The following RDH11 variants were observed in gnomAD, a reference collection of about 807,000 sequenced individuals.
The protein encoded by RDH11 is retinol dehydrogenase 11, also known as HCV core-binding protein HCBP12.
Under a neutral mutation model 33.4 loss-of-function variants are expected in RDH11, and 19 were observed. The ratio of observed to expected loss-of-function variants is 0.57; its 90% CI spans 0.40 to 0.83. The LOEUF (loss-of-function observed/expected upper bound fraction) is 0.83, where lower values mean the gene tolerates loss of function less well. Among genes scored for constraint, RDH11 ranks in the 40% least tolerant of loss-of-function variants. The pLI is 0.00. For synonymous variants in RDH11, 154 were observed against 155.3 expected (o/e 0.99, Z 0.06); for missense variants, 353 against 389.0 (o/e 0.91, Z 0.78).
chr14:67,679,736 G>A (rs964470031), intron 6 of RDH11, among the ~76,000 whole-genome samples: 6 of 152,064 alleles, frequency 3.9e-5, no homozygotes, highest in South Asian at 2.1e-4. Context: ...TTATAATTCC[G>A]ATGCAGAAAA....
At chr14:67,689,426 G>A (rs1399614117) in intron 5 of RDH11, among the ~76,000 whole-genome samples, 2 of 152,088 alleles carry the variant, frequency 1.3e-5, no homozygotes, top group African/African-American at 4.8e-5. Flanking sequence ...CCCTTCTCAA[G>A]CATATATTTC....
intron 3 of RDH11, 163 bp downstream of exon 3, chr14:67,692,275 C>A: frequency 1.4e-6 from 1 of 706,966 alleles, no homozygotes; most frequent in East Asian, 2.7e-5. Flanking sequence ...GAAGATATCC[C>A]TTTGACATAA....
chr14:67,684,766 C>G (rs1474558150), intron 6 of RDH11: 4 of 310,664 alleles, frequency 1.3e-5, no homozygotes, highest in Non-Finnish European at 2.3e-5. Flanking sequence ...GAAAACTGGA[C>G]TGACATAACA....
chr14:67,683,107 CAA>C (rs2037634376), intron 6 of RDH11, among the ~76,000 whole-genome samples: 1 of 152,146 alleles, frequency 6.6e-6, no homozygotes. Flanking sequence ...AGGCTTCAAT[CAA>C]AAGACTTTTA....
At chr14:67,679,149 G>A (rs908947386) in intron 6 of RDH11, among the ~76,000 whole-genome samples, 1 of 152,144 alleles carries the variant, frequency 6.6e-6, no homozygotes. Flanking sequence ...GCATGACATG[G>A]GCAAGAGAGG....
At chr14:67,694,489 C>CACATATATATAT (rs1555387472) in intron 1 of RDH11, among the ~76,000 whole-genome samples, 3 of 144,186 alleles carry the variant, frequency 2.1e-5, no homozygotes, top group African/African-American at 7.8e-5. Context: ...CACACACACA[C>CACATATATATAT]ATATATATAT....
intron 5 of RDH11, among the ~76,000 whole-genome samples, chr14:67,689,463 G>A (rs1290480969): frequency 1.3e-5 from 2 of 152,122 alleles, no homozygotes; most frequent in African/African-American, 4.8e-5. Flanking sequence ...TTGCAAGGGA[G>A]ACCCTGCCCC....
At chr14:67,685,350 T>C (rs1018272524) in intron 5 of RDH11, 146 bp from the exon 6 acceptor site, 1 of 622,384 alleles carries the variant, frequency 1.6e-6, no homozygotes, top group Non-Finnish European at 2.8e-6. Flanking sequence ...CTCACAGTAA[T>C]TTATACTTCC....
Position 67,678,174 on chromosome 14 carries a change from G to T in RDH11, c.*147C>A. 1 of 599,620 alleles carries T rather than the reference G, an allele frequency of 1.7e-6. No homozygotes were observed. 37.1% of individuals were successfully genotyped at this position (599,620 alleles called of 1,614,324 possible). A position where few individuals can be genotyped will look rare whatever the true frequency, so the allele number is the denominator to read the frequency against. On this transcript the variant is annotated 3_prime_UTR_variant, in exon 7 of 7. Coordinates refer to ENST00000381346, the MANE Select transcript of RDH11 (RefSeq NM_016026.4). ...TTAGACGAATCTGGCAGTACACTGA[G>T]TTTTAACTGGACACCAAGCAGGCAA... is the stretch of plus-strand genomic sequence containing the variant.
chr14:67,692,761 C>A, intron 2 of RDH11, 168 bp from the exon 3 acceptor site: 1 of 865,798 alleles, frequency 1.2e-6, no homozygotes, highest in Non-Finnish European at 1.8e-6. Flanking sequence ...TAATAATATT[C>A]ATTAAGGGTC....
At chr14:67,680,741 G>T (rs1403876646) in intron 6 of RDH11, among the ~76,000 whole-genome samples, 1 of 152,206 alleles carries the variant, frequency 6.6e-6, no homozygotes, top group Non-Finnish European at 1.5e-5. Context: ...TTACAGGCGT[G>T]AGCCGCCGCG....
At chr14:67,688,279 C>G (rs2037705922) in intron 5 of RDH11, among the ~76,000 whole-genome samples, 1 of 151,996 alleles carries the variant, frequency 6.6e-6, no homozygotes, top group Admixed American at 6.6e-5. Flanking sequence ...ACAGCCACAA[C>G]AAAAAGGAAA....
intron 6 of RDH11, among the ~76,000 whole-genome samples, chr14:67,683,874 T>C (rs1291352934): frequency 6.6e-6 from 1 of 152,234 alleles, no homozygotes; most frequent in Non-Finnish European, 1.5e-5. Flanking sequence ...TTTCAACTGC[T>C]TTGGAATCCA....
chr14:67,692,414 T>C lies in RDH11; in HGVS notation c.349+24A>G, dbSNP rs774087046. 3.1e-6 allele frequency: 5 copies of C among 1,612,934 alleles called. No individual in the cohort carries two copies. In the Admixed American group the frequency reaches 6.7e-5, roughly 22 times the overall value. ...CATGTTGACCTCAAGACCCACAACA[T>C]AGTCTCTCTAGTTCTACACTTACCA... On this transcript the variant is annotated intron_variant, in intron 3 of 6. Coordinates refer to ENST00000381346, the MANE Select transcript of RDH11 (RefSeq NM_016026.4).
intron 6 of RDH11, among the ~76,000 whole-genome samples, chr14:67,679,864 T>G (rs903561449): frequency 2.0e-5 from 3 of 152,284 alleles, no homozygotes; most frequent in Non-Finnish European, 2.9e-5. Context: ...TTTAGTCATG[T>G]GAGGAAACAA....
intron 6 of RDH11, among the ~76,000 whole-genome samples, chr14:67,681,505 G>A (rs1206166502): frequency 1.3e-5 from 2 of 152,188 alleles, no homozygotes; most frequent in African/African-American, 2.4e-5. Flanking sequence ...GTTCAAGGCC[G>A]GGTGTGGTGG....
chr14:67,689,620 C>T (rs1015288409), intron 5 of RDH11, among the ~76,000 whole-genome samples: 5 of 152,030 alleles, frequency 3.3e-5, no homozygotes, highest in Admixed American at 1.3e-4. Flanking sequence ...GTGAAGTAGT[C>T]CCATTTACAT....
At chr14:67,686,037 T>C (rs928929253) in intron 5 of RDH11, 4 of 152,142 alleles carry the variant, frequency 2.6e-5, no homozygotes, top group African/African-American at 9.7e-5. Context: ...AATGTTGGAG[T>C]TCTCGTGGCT....
At position 67,690,403 on chromosome 14, in the gene RDH11, T is replaced by C. The variant is rs1178554547; in HGVS notation, c.473A>G (p.His158Arg). 2.5e-6 allele frequency: 4 copies of C among 1,614,048 alleles called. No individual in the cohort carries two copies. Among genetic ancestry groups the C allele is most frequent in the Non-Finnish European group, 3.4e-6 (4 of 1,180,018 alleles). ...TTCCTTTAGTTTCTCTAGCAGCAGATGGGTTAGGAGGAAGTGACCTGTTGA... is the reference window on the plus strand; with the variant it reads ...TTCCTTTAGTTTCTCTAGCAGCAGACGGGTTAGGAGGAAGTGACCTGTTGA... ...VNHLGHFLLT[H>R]LLLEKLKESA... The change falls in exon 5 of 7, where the codon CAT becomes CGT. Residue 158 changes from histidine (H) to arginine (R), a missense_variant. Physicochemically the swap from His to Arg is conservative, Grantham distance 29 (BLOSUM62 0). Transcript: ENST00000381346.
Sources: gnomAD v4.1 joint callset for allele counts (sites outside exome capture counted in the v4.1 genomes callset) on GRCh38, gnomAD v4.1.1 for gene constraint, MANE v1.5 for transcripts, NCBI Gene and HGNC (gene_info 2026-07-23, HGNC 2026-07-21) for gene names.